Variants in FHIT observed in about 807,000 individuals in gnomAD.
The protein encoded by FHIT is bis(5'-adenosyl)-triphosphatase.
Under a neutral mutation model 17.9 loss-of-function variants are expected in FHIT, and 19 were observed. The ratio of observed to expected loss-of-function variants is 1.06; its 90% confidence interval spans 0.74 to 1.56. The LOEUF (loss-of-function observed/expected upper bound fraction) is 1.56, where lower values mean the gene tolerates loss of function less well. Among genes scored for constraint, FHIT ranks in the 40% most tolerant of loss-of-function variants. The pLI, the probability that FHIT is intolerant of heterozygous loss-of-function variation, is 0.00. For synonymous variants in FHIT, 81 were observed against 69.7 expected, an observed-to-expected ratio of 1.16 and a Z score of -0.81; for missense variants, 248 against 189.2, an observed-to-expected ratio of 1.31 and a Z score of -1.82.
At chr3:59,969,113 T>C (rs1426098604) in intron 7 of FHIT, among the ~76,000 whole-genome samples, 1 of 152,156 alleles carries the variant, frequency 6.6e-6, no homozygotes, top group Non-Finnish European at 1.5e-5. Flanking sequence ...CACATTATTC[T>C]CTGTGAAATT....
intron 1 of FHIT, chr3:61,244,212 C>T (rs1442394751): frequency 6.6e-6 from 1 of 152,094 alleles, no homozygotes; most frequent in Non-Finnish European, 1.5e-5. Context: ...ACACCTGCTC[C>T]CCTCCCCACT....
At chr3:59,832,706 GTTGT>G (rs746607952) in intron 8 of FHIT, among the ~76,000 whole-genome samples, 3 of 152,302 alleles carry the variant, frequency 2.0e-5, no homozygotes, top group African/African-American at 7.2e-5. Flanking sequence ...TTATTTGGGG[GTTGT>G]TTGTTACTGC....
At chr3:60,421,249 C>T (rs1702454597) in intron 5 of FHIT, among the ~76,000 whole-genome samples, 1 of 152,096 alleles carries the variant, frequency 6.6e-6, no homozygotes. Flanking sequence ...AACTGTTTAG[C>T]TGCCAGGTTT....
rs146563433 is a variant in FHIT at position 59,934,506 on chromosome 3, T to A, written c.280-12092A>T. On this transcript the variant is annotated intron_variant, in intron 7 of 9. Transcript: ENST00000492590. ...GTATTATCTTTTGGCTTCTGATTGG[T>A]TTTCAGTGACATAACAGCTTTAAAT... Among the ~76,000 whole-genome samples, 721 of 152,266 alleles carry A rather than the reference T, an allele frequency of 4.7e-3. 2 individuals carry two copies. Among genetic ancestry groups the A allele is most frequent in the African/African-American group, 0.016 (676 of 41,552 alleles).
At chr3:60,014,729 T>C (rs1700275939) in intron 5 of FHIT, among the ~76,000 whole-genome samples, 1 of 152,230 alleles carries the variant, frequency 6.6e-6, no homozygotes, top group Admixed American at 6.5e-5. Flanking sequence ...TGCCATGTGG[T>C]TAAGCAATTT....
At chr3:60,569,738 T>TACAC (rs1553654781) in intron 4 of FHIT, among the ~76,000 whole-genome samples, 6 of 61,786 alleles carry the variant, frequency 9.7e-5, no homozygotes, top group East Asian at 9.3e-4. Flanking sequence ...TATATATATA[T>TACAC]ATATATATAT....
At chr3:60,346,546 G>C (rs1422058032) in intron 5 of FHIT, among the ~76,000 whole-genome samples, 1 of 152,140 alleles carries the variant, frequency 6.6e-6, no homozygotes, top group African/African-American at 2.4e-5. Flanking sequence ...TATGAGATGA[G>C]GACCTGTTAG....
intron 2 of FHIT, among the ~76,000 whole-genome samples, chr3:61,119,374 C>A (rs2036391145): frequency 6.6e-6 from 1 of 152,044 alleles, no homozygotes; most frequent in Non-Finnish European, 1.5e-5. Flanking sequence ...CCATGCCCAG[C>A]TAATTTTTTT....
chr3:61,029,533 C>T (rs950380047), intron 3 of FHIT, among the ~76,000 whole-genome samples: 3 of 152,070 alleles, frequency 2.0e-5, no homozygotes, highest in Non-Finnish European at 2.9e-5. Flanking sequence ...TTGTGAGGGA[C>T]ACATCTTCAG....
intron 1 of FHIT, among the ~76,000 whole-genome samples, chr3:61,209,205 T>G (rs1002683510): frequency 3.3e-5 from 5 of 152,220 alleles, no homozygotes; most frequent in Admixed American, 1.3e-4. Context: ...CTGATGGGCT[T>G]CCCTTTGTGG....
intron 4 of FHIT, among the ~76,000 whole-genome samples, chr3:60,590,079 A>G (rs1386287327): frequency 6.6e-6 from 1 of 152,062 alleles, no homozygotes; most frequent in Non-Finnish European, 1.5e-5. Flanking sequence ...TCCAAGTTTT[A>G]AAAATAAATT....
At chr3:59,964,896 C>G (rs1003627782) in intron 7 of FHIT, among the ~76,000 whole-genome samples, 8 of 152,080 alleles carry the variant, frequency 5.3e-5, no homozygotes, top group Admixed American at 5.2e-4. Flanking sequence ...TTAAACTCAG[C>G]ATGATATCCA....
chr3:61,134,000 ATTGCT>A (rs897652229), intron 2 of FHIT, among the ~76,000 whole-genome samples: 7 of 151,876 alleles, frequency 4.6e-5, no homozygotes, highest in African/African-American at 1.7e-4. Flanking sequence ...AGGCAGGAGA[ATTGCT>A]TTGAACTCGG....
chr3:60,887,950 G>T (rs1488091349), intron 3 of FHIT, among the ~76,000 whole-genome samples: 1 of 152,168 alleles, frequency 6.6e-6, no homozygotes, highest in Non-Finnish European at 1.5e-5. Flanking sequence ...TGAGCTAAAA[G>T]GACTCTTAGT....
At chr3:61,184,770 A>C (rs1218200317) in intron 2 of FHIT, among the ~76,000 whole-genome samples, 1 of 152,170 alleles carries the variant, frequency 6.6e-6, no homozygotes, top group Non-Finnish European at 1.5e-5. Context: ...TCATGAGAGA[A>C]GGTGAGAGGC....
intron 1 of FHIT, among the ~76,000 whole-genome samples, chr3:61,216,529 C>T (rs2039681033): frequency 6.6e-6 from 1 of 152,166 alleles, no homozygotes; most frequent in Non-Finnish European, 1.5e-5. Flanking sequence ...AATAGGAACA[C>T]TTTTACACTG....
chr3:60,372,872 G>A (rs1018888220), intron 5 of FHIT, among the ~76,000 whole-genome samples: 3 of 152,098 alleles, frequency 2.0e-5, no homozygotes, highest in African/African-American at 4.8e-5. Context: ...AGTATATTCA[G>A]AGTGGAAATC....
chr3:60,934,500 C>T (rs543821505), intron 3 of FHIT, among the ~76,000 whole-genome samples: 2 of 152,318 alleles, frequency 1.3e-5, no homozygotes, highest in South Asian at 2.1e-4. Context: ...GAGTGAGCTA[C>T]AGCAGTGGCT....
intron 8 of FHIT, among the ~76,000 whole-genome samples, chr3:59,840,188 C>T (rs551969749): frequency 1.3e-5 from 2 of 152,072 alleles, no homozygotes; most frequent in Admixed American, 6.6e-5. Context: ...AGTACTCCCC[C>T]ATTCTTGCAG....
Sources: gnomAD v4.1 joint callset for allele counts (sites outside exome capture counted in the v4.1 genomes callset) on GRCh38, gnomAD v4.1.1 for gene constraint, MANE v1.5 for transcripts, NCBI Gene and HGNC (gene_info 2026-07-23, HGNC 2026-07-21) for gene names.